The following KCNN2 variants were observed in gnomAD, a reference collection of about 807,000 sequenced individuals.
KCNN2 encodes potassium calcium-activated channel subfamily N member 2.
A neutral mutation model predicts 55.5 loss-of-function variants in KCNN2; 24 were observed. The observed-to-expected ratio is 0.43, with a 90% confidence interval of 0.31 to 0.61. The LOEUF (loss-of-function observed/expected upper bound fraction) is 0.61, where lower values mean the gene tolerates loss of function less well. KCNN2 is among the 20% of genes least tolerant of loss of function. The pLI, the probability that KCNN2 is intolerant of heterozygous loss-of-function variation, is 0.08. For synonymous variants in KCNN2, 431 were observed against 336.1 expected (o/e 1.28, Z -3.09); for missense variants, 754 against 853.6 (o/e 0.88, Z 1.45).
intron 3 of KCNN2, among the ~76,000 whole-genome samples, chr5:114,405,855 T>G (rs1034634904): frequency 6.6e-6 from 1 of 151,640 alleles, no homozygotes; most frequent in Non-Finnish European, 1.5e-5. Flanking sequence ...GGACTACAGG[T>G]GCCTGCCACC....
At chr5:114,319,664 C>T (rs1756575636) in intron 2 of KCNN2, among the ~76,000 whole-genome samples, 1 of 152,176 alleles carries the variant, frequency 6.6e-6, no homozygotes, top group African/African-American at 2.4e-5. Flanking sequence ...TTAAGTTGCA[C>T]ATCCAGGTTA....
chr5:114,106,993 C>T lies in KCNN2; in HGVS notation c.-271+50493C>T, dbSNP rs990556372. Among the ~76,000 whole-genome samples, 4 of 151,998 alleles carry T rather than the reference C, an allele frequency of 2.6e-5. No individual in the cohort carries two copies. The South Asian group carries it at 8.3e-4, about 31-fold the overall frequency. On this transcript the variant is annotated intron_variant, in intron 1 of 10. Transcript: ENST00000512097. Reference sequence around the variant, plus strand: ...ATTCTCCTATTCAATCTTTTACAAGCTTTATAATTTTACCTTTCACATTTA... The same window carrying T: ...ATTCTCCTATTCAATCTTTTACAAGTTTTATAATTTTACCTTTCACATTTA...
chr5:114,263,442 TG>T (rs1755150636), intron 2 of KCNN2, among the ~76,000 whole-genome samples: 2 of 6,024 alleles, frequency 3.3e-4, no homozygotes, highest in East Asian at 0.017. Context: ...ACTTATCCAG[TG>T]AATGCTGGAT....
At chr5:114,326,578 A>C (rs1756718355) in intron 2 of KCNN2, among the ~76,000 whole-genome samples, 1 of 152,150 alleles carries the variant, frequency 6.6e-6, no homozygotes, top group African/African-American at 2.4e-5. Flanking sequence ...ATTCCTCTGA[A>C]AGCCCGTGAA....
intron 3 of KCNN2, among the ~76,000 whole-genome samples, chr5:114,454,016 C>T (rs373817874): frequency 1.3e-4 from 20 of 152,066 alleles, no homozygotes; most frequent in African/African-American, 4.8e-4. Flanking sequence ...ATGTTCCCTG[C>T]CCTGTGTCCA....
At chr5:114,313,785 C>G (rs1455704095) in intron 2 of KCNN2, among the ~76,000 whole-genome samples, 2 of 152,074 alleles carry the variant, frequency 1.3e-5, no homozygotes, top group Non-Finnish European at 2.9e-5. Context: ...TGGTTCTCTC[C>G]TATTAATTTC....
chr5:114,314,704 A>G (rs1022130705), intron 2 of KCNN2, among the ~76,000 whole-genome samples: 1 of 152,140 alleles, frequency 6.6e-6, no homozygotes, highest in South Asian at 2.1e-4. Flanking sequence ...ACAGGCAGCC[A>G]AAGTGTAGAA....
chr5:114,120,906 A>G (rs1751818902), intron 1 of KCNN2, among the ~76,000 whole-genome samples: 1 of 152,214 alleles, frequency 6.6e-6, no homozygotes, highest in Non-Finnish European at 1.5e-5. Flanking sequence ...GGCATACTTA[A>G]AAATATGAGC....
intron 2 of KCNN2, among the ~76,000 whole-genome samples, chr5:114,272,400 T>C (rs1176351496): frequency 1.8e-5 from 1 of 56,462 alleles, no homozygotes; most frequent in African/African-American, 5.1e-5. Flanking sequence ...CACACATATA[T>C]GTATGTACAT....
At chr5:114,334,696 T>C (rs1196055769) in intron 2 of KCNN2, among the ~76,000 whole-genome samples, 2 of 152,078 alleles carry the variant, frequency 1.3e-5, no homozygotes, top group Non-Finnish European at 2.9e-5. Flanking sequence ...AAAAATCAAA[T>C]ATAAAAATTT....
In KCNN2 at chr5:114,262,462, A is replaced by G. The variant is rs563258729; in HGVS notation, c.-185+40897A>G. 3.3e-5 allele frequency among the ~76,000 whole-genome samples: 5 copies of G among 152,304 alleles called. No individual in the cohort carries two copies. In the South Asian group the frequency reaches 6.2e-4, roughly 19 times the overall value. On this transcript the variant is annotated intron_variant, in intron 2 of 10. Transcript: ENST00000512097. ...TTACGAACCTTTTTCAAGAGAGTCAATTAAGCAGAGTAGTCATGAATGTGG... is the reference window on the plus strand; with the variant it reads ...TTACGAACCTTTTTCAAGAGAGTCAGTTAAGCAGAGTAGTCATGAATGTGG...
chr5:114,215,553 T>C (rs1291415230), intron 1 of KCNN2, among the ~76,000 whole-genome samples: 6 of 152,120 alleles, frequency 3.9e-5, no homozygotes, highest in Non-Finnish European at 7.4e-5. Flanking sequence ...GTTAAATCAA[T>C]AAATCAGGGT....
intron 3 of KCNN2, among the ~76,000 whole-genome samples, chr5:114,446,739 G>T (rs1475696609): frequency 6.6e-6 from 1 of 152,078 alleles, no homozygotes; most frequent in Non-Finnish European, 1.5e-5. Context: ...GAGATTACAG[G>T]CATGAGTCAC....
intron 1 of KCNN2, among the ~76,000 whole-genome samples, chr5:114,162,205 A>G (rs1752801258): frequency 6.6e-6 from 1 of 152,036 alleles, no homozygotes; most frequent in African/African-American, 2.4e-5. Flanking sequence ...TCTGTTTGTT[A>G]GTTTTCCTTC....
intron 3 of KCNN2, among the ~76,000 whole-genome samples, chr5:114,449,128 C>T (rs1760539435): frequency 1.3e-5 from 2 of 152,154 alleles, no homozygotes; most frequent in South Asian, 4.1e-4. Flanking sequence ...CACTGAACTT[C>T]CCACTTTCTT....
At chr5:114,091,966 C>T (rs1326023722) in intron 1 of KCNN2, among the ~76,000 whole-genome samples, 1 of 152,144 alleles carries the variant, frequency 6.6e-6, no homozygotes, top group Non-Finnish European at 1.5e-5. Flanking sequence ...GCCCCTGGCC[C>T]CTTCCAAATC....
At chr5:114,455,810 A>G (rs191878981) in intron 3 of KCNN2, among the ~76,000 whole-genome samples, 37 of 152,334 alleles carry the variant, frequency 2.4e-4, no homozygotes, top group Admixed American at 3.9e-4. Context: ...AGAAGATAAA[A>G]CAAGCTGCAA....
intron 2 of KCNN2, among the ~76,000 whole-genome samples, chr5:114,242,188 C>G (rs1382954995): frequency 6.6e-6 from 1 of 151,996 alleles, no homozygotes. Flanking sequence ...GGTATGATCT[C>G]TGCTTTCCAT....
intron 1 of KCNN2, among the ~76,000 whole-genome samples, chr5:114,132,778 C>T (rs1407411657): frequency 6.6e-6 from 1 of 152,188 alleles, no homozygotes; most frequent in Non-Finnish European, 1.5e-5. Flanking sequence ...TAATTTCTTT[C>T]TGTATACTGT....
Sources: gnomAD v4.1 joint callset for allele counts (sites outside exome capture counted in the v4.1 genomes callset) on GRCh38, gnomAD v4.1.1 for gene constraint, MANE v1.5 for transcripts, NCBI Gene and HGNC (gene_info 2026-07-23, HGNC 2026-07-21) for gene names.